The following UBE2H variants were observed in gnomAD, a reference collection of about 807,000 sequenced individuals.
UBE2H encodes ubiquitin-conjugating enzyme E2 H.
UBE2H carries 3 observed loss-of-function variants against 29.0 expected under a neutral mutation model. The ratio of observed to expected loss-of-function variants is 0.10; its 90% confidence interval spans 0.05 to 0.27. The LOEUF is 0.27. UBE2H is among the 10% of genes least tolerant of loss of function. UBE2H has a pLI of 1.00. For synonymous variants in UBE2H, 69 were observed against 82.9 expected, an observed-to-expected ratio of 0.83 and a Z score of 0.91; for missense variants, 68 against 228.2, an observed-to-expected ratio of 0.30 and a Z score of 4.52.
intron 5 of UBE2H, among the ~76,000 whole-genome samples, chr7:129,852,341 C>A (rs931768680): frequency 2.6e-5 from 4 of 152,020 alleles, no homozygotes; most frequent in African/African-American, 9.7e-5. Flanking sequence ...ATTTTAGGTG[C>A]CTGTAGTCCC....
intron 1 of UBE2H, among the ~76,000 whole-genome samples, chr7:129,935,885 T>C (rs1010287655): frequency 2.0e-5 from 3 of 152,280 alleles, no homozygotes; most frequent in Middle Eastern, 3.4e-3. Flanking sequence ...AGCGGTACAG[T>C]CAAGCATTAA....
At chr7:129,853,809 T>A (rs188182389) in intron 5 of UBE2H, among the ~76,000 whole-genome samples, 29 of 152,344 alleles carry the variant, frequency 1.9e-4, no homozygotes, top group Non-Finnish European at 3.5e-4. Flanking sequence ...TATCAGGCTA[T>A]GATTAACATA....
chr7:129,850,020 G>A (rs571454955), intron 5 of UBE2H, among the ~76,000 whole-genome samples: 9 of 152,188 alleles, frequency 5.9e-5, no homozygotes, highest in African/African-American at 1.9e-4. Context: ...AAACACCTCC[G>A]AAAAGAAGTG....
At chr7:129,930,031 C>CT in intron 1 of UBE2H, among the ~76,000 whole-genome samples, 1 of 152,026 alleles carries the variant, frequency 6.6e-6, no homozygotes, top group East Asian at 1.9e-4. Context: ...ACAAAAAAAA[C>CT]GGATATACAA....
intron 5 of UBE2H, among the ~76,000 whole-genome samples, chr7:129,855,717 C>A (rs554421474): frequency 6.6e-6 from 1 of 152,204 alleles, no homozygotes; most frequent in East Asian, 1.9e-4. Flanking sequence ...TATACAAATA[C>A]CAGTTTTAGA....
chr7:129,885,609 T>C (rs1347005472), intron 1 of UBE2H, among the ~76,000 whole-genome samples: 2 of 152,204 alleles, frequency 1.3e-5, no homozygotes, highest in Non-Finnish European at 2.9e-5. Flanking sequence ...CCAGCTACAA[T>C]GGGATTGTCT....
rs200997930 is a variant in UBE2H, at chr7:129,877,883, CT to C, written c.205+1684del. ...GAAATTGCATTTCTATAAGTTCACTCTTAGTTTCAACAAGCTCTATTGTTTC... is the reference window on the plus strand; with the variant it reads ...GAAATTGCATTTCTATAAGTTCACTCTAGTTTCAACAAGCTCTATTGTTTC... On this transcript the variant is annotated intron_variant, in intron 3 of 6. Transcript: ENST00000355621. Among the ~76,000 whole-genome samples the C allele has an allele frequency of 4.4e-3, 667 of 152,270 alleles. 5 individuals are homozygous for C. The highest frequency in any genetic ancestry group is 0.014 in the African/African-American group (599 of 41,546).
intron 3 of UBE2H, among the ~76,000 whole-genome samples, chr7:129,868,394 C>CA (rs1406782729): frequency 1.3e-5 from 2 of 151,006 alleles, no homozygotes; most frequent in Non-Finnish European, 2.9e-5. Flanking sequence ...TCCTGGCTAA[C>CA]AAGGTGAAAC....
At chr7:129,941,500 C>A (rs1807641472) in intron 1 of UBE2H, among the ~76,000 whole-genome samples, 1 of 152,172 alleles carries the variant, frequency 6.6e-6, no homozygotes, top group South Asian at 2.1e-4. Flanking sequence ...AGTCTACTCA[C>A]CAAACATACT....
At chr7:129,900,641 T>G (rs1488169856) in intron 1 of UBE2H, among the ~76,000 whole-genome samples, 1 of 152,182 alleles carries the variant, frequency 6.6e-6, no homozygotes, top group African/African-American at 2.4e-5. Flanking sequence ...TTATTATACT[T>G]TAAGTTTTAG....
At chr7:129,944,730 A>ACACACG (rs1807722499) in intron 1 of UBE2H, among the ~76,000 whole-genome samples, 1 of 129,922 alleles carries the variant, frequency 7.7e-6, no homozygotes, top group African/African-American at 2.7e-5. Flanking sequence ...ACACACACAC[A>ACACACG]CACACACACA....
chr7:129,938,033 A>C (rs1454671607), intron 1 of UBE2H, among the ~76,000 whole-genome samples: 1 of 152,196 alleles, frequency 6.6e-6, no homozygotes, highest in Non-Finnish European at 1.5e-5. Context: ...CACCAAGATA[A>C]AAGGCTAAAA....
intron 1 of UBE2H, among the ~76,000 whole-genome samples, chr7:129,951,728 T>C (rs1484848574): frequency 6.6e-6 from 1 of 152,150 alleles, no homozygotes; most frequent in African/African-American, 2.4e-5. Context: ...AGAGGAAGTT[T>C]TGCCCAAGTG....
intron 3 of UBE2H, among the ~76,000 whole-genome samples, chr7:129,873,581 T>TAC (rs202102522): frequency 0.062 from 9,458 of 151,414 alleles, 368 homozygotes; most frequent in Non-Finnish European, 0.092. Context: ...ACTAAAGGTA[T>TAC]ACACCACCAT....
intron 1 of UBE2H, among the ~76,000 whole-genome samples, chr7:129,926,352 A>G (rs1210195905): frequency 6.6e-6 from 1 of 151,898 alleles, no homozygotes; most frequent in Non-Finnish European, 1.5e-5. Context: ...TCTACTAAAA[A>G]TACAAAATTA....
chr7:129,906,117 G>A (rs575664237), intron 1 of UBE2H, among the ~76,000 whole-genome samples: 4 of 152,138 alleles, frequency 2.6e-5, no homozygotes, highest in Non-Finnish European at 5.9e-5. Flanking sequence ...ACACATTCAG[G>A]CAATAATAGA....
intron 1 of UBE2H, among the ~76,000 whole-genome samples, chr7:129,941,587 AAT>A (rs570737828): frequency 8.7e-4 from 132 of 152,118 alleles, no homozygotes; most frequent in African/African-American, 2.9e-3. Flanking sequence ...AGCTGTCAGT[AAT>A]ATTAATTTTT....
At chr7:129,865,244 A>G (rs1478882854) in intron 3 of UBE2H, among the ~76,000 whole-genome samples, 1 of 152,074 alleles carries the variant, frequency 6.6e-6, no homozygotes, top group East Asian at 1.9e-4. Context: ...GAAAATAAAT[A>G]ACATTGTGCT....
chr7:129,882,734 G>A (rs2116376880), intron 1 of UBE2H, among the ~76,000 whole-genome samples: 1 of 152,204 alleles, frequency 6.6e-6, no homozygotes, highest in Middle Eastern at 3.4e-3. Flanking sequence ...CTGACATCCT[G>A]CAAAATATTC....
Sources: gnomAD v4.1 joint callset for allele counts (sites outside exome capture counted in the v4.1 genomes callset) on GRCh38, gnomAD v4.1.1 for gene constraint, MANE v1.5 for transcripts, NCBI Gene and HGNC (gene_info 2026-07-23, HGNC 2026-07-21) for gene names.